PSD3: variants seen among roughly 807,000 people sequenced by gnomAD.
PSD3 encodes PH and SEC7 domain-containing protein 3.
PSD3 carries 49 observed loss-of-function variants against 105.5 expected under a neutral mutation model. That is an observed-to-expected ratio of 0.46 (90% CI 0.37 to 0.59). The LOEUF (loss-of-function observed/expected upper bound fraction) is 0.59, where lower values mean the gene tolerates loss of function less well. PSD3 is among the 20% of genes least tolerant of loss of function. The pLI is 0.00. For missense variants in PSD3, 1,561 were observed against 1,263.8 expected (o/e 1.24, Z -3.57); for synonymous variants, 557 against 457.8 (o/e 1.22, Z -2.77).
At chr8:19,074,584 G>GATAGATAT (rs1829384936) in intron 1 of PSD3, among the ~76,000 whole-genome samples, 1 of 99,536 alleles carries the variant, frequency 1.0e-5, no homozygotes, top group Non-Finnish European at 2.1e-5. Context: ...TTACAACTCA[G>GATAGATAT]ATATATACAT....
At chr8:19,059,130 G>C (rs1242620087) in intron 1 of PSD3, among the ~76,000 whole-genome samples, 1 of 152,160 alleles carries the variant, frequency 6.6e-6, no homozygotes, top group Non-Finnish European at 1.5e-5. Context: ...CTTTAGCAGA[G>C]ACATGAAAAG....
chr8:18,691,380 T>C (rs1800965947), intron 9 of PSD3, among the ~76,000 whole-genome samples: 1 of 152,244 alleles, frequency 6.6e-6, no homozygotes, highest in African/African-American at 2.4e-5. Flanking sequence ...CACTTAACTC[T>C]GTATAGCTGA....
chr8:18,603,100 C>A (rs1284129196), intron 11 of PSD3, among the ~76,000 whole-genome samples: 1 of 152,120 alleles, frequency 6.6e-6, no homozygotes, highest in Non-Finnish European at 1.5e-5. Flanking sequence ...AGGTATCTTC[C>A]GTGAGAAAGT....
At chr8:18,933,223 G>A (rs753790231) in intron 2 of PSD3, among the ~76,000 whole-genome samples, 2 of 152,118 alleles carry the variant, frequency 1.3e-5, no homozygotes, top group Non-Finnish European at 2.9e-5. Context: ...GTGTCATTTT[G>A]GTTTGCCTCG....
chr8:18,780,359 G>A (rs200209837), intron 8 of PSD3, among the ~76,000 whole-genome samples: 1 of 143,792 alleles, frequency 7.0e-6, no homozygotes, highest in African/African-American at 2.6e-5. Flanking sequence ...TTTTTTTTTT[G>A]TTTTTCTATT....
At chr8:18,922,049 A>G (rs1199521678) in intron 2 of PSD3, among the ~76,000 whole-genome samples, 2 of 152,234 alleles carry the variant, frequency 1.3e-5, no homozygotes, top group Non-Finnish European at 2.9e-5. Flanking sequence ...CCAGTATGTC[A>G]CTTCTGCTTT....
chr8:18,611,965 T>C (rs1805299461), intron 11 of PSD3, among the ~76,000 whole-genome samples: 1 of 152,228 alleles, frequency 6.6e-6, no homozygotes, highest in Non-Finnish European at 1.5e-5. Context: ...CCTCTTACCT[T>C]TCTCACACAA....
At chr8:18,998,938 G>C (rs1359206922) in intron 1 of PSD3, among the ~76,000 whole-genome samples, 1 of 151,966 alleles carries the variant, frequency 6.6e-6, no homozygotes, top group African/African-American at 2.4e-5. Flanking sequence ...TCACTCTGTA[G>C]ATGGACATGG....
At position 18,919,179 on chromosome 8, in the gene PSD3, G is replaced by T. The variant is rs371474076; in HGVS notation, c.130+16855C>A. On this transcript the variant is annotated intron_variant, in intron 2 of 15. Transcript: ENST00000327040. ...CAAAAGGAGCCAGGTGATCTCTTCC[G>T]GGGCTTCAGCTTCTTCTAGCAGTGT... is the stretch of plus-strand genomic sequence containing the variant. Among the ~76,000 whole-genome samples, 81 of 152,106 alleles carry T rather than the reference G, an allele frequency of 5.3e-4. 2 individuals carry two copies. In the South Asian group the frequency reaches 0.016, roughly 30 times the overall value.
chr8:18,936,290 T>C (rs1351143581), intron 1 of PSD3, 148 bp from the exon 2 acceptor site: 1 of 583,488 alleles, frequency 1.7e-6, no homozygotes, highest in East Asian at 2.7e-5. Flanking sequence ...ACATGAAAAG[T>C]GTAACATGAA....
intron 1 of PSD3, among the ~76,000 whole-genome samples, chr8:18,939,227 G>C (rs963192211): frequency 6.6e-6 from 1 of 152,288 alleles, no homozygotes; most frequent in East Asian, 1.9e-4. Flanking sequence ...GGAAGCAATT[G>C]CCAATCAAGA....
chr8:19,045,048 G>T (rs1221178611), intron 1 of PSD3, among the ~76,000 whole-genome samples: 1 of 152,134 alleles, frequency 6.6e-6, no homozygotes, highest in African/African-American at 2.4e-5. Flanking sequence ...AGCTGAGTGT[G>T]GTGGTGCACA....
intron 1 of PSD3, among the ~76,000 whole-genome samples, chr8:18,989,991 G>C (rs1410908575): frequency 6.6e-6 from 1 of 152,178 alleles, no homozygotes; most frequent in Non-Finnish European, 1.5e-5. Flanking sequence ...AGAAATCTAT[G>C]TCATTCTTCC....
At chr8:18,787,468 T>A (rs1330454627) in intron 8 of PSD3, among the ~76,000 whole-genome samples, 3 of 151,920 alleles carry the variant, frequency 2.0e-5, no homozygotes, top group African/African-American at 7.3e-5. Flanking sequence ...TTAAAAAATA[T>A]CAAATAACAA....
intron 9 of PSD3, among the ~76,000 whole-genome samples, chr8:18,683,428 A>G (rs1800491718): frequency 6.6e-6 from 1 of 152,254 alleles, no homozygotes; most frequent in Non-Finnish European, 1.5e-5. Flanking sequence ...TGTTCTAAAA[A>G]TACTCCGCAC....
chr8:18,908,012 T>G (rs1819960047), intron 2 of PSD3, among the ~76,000 whole-genome samples: 1 of 152,226 alleles, frequency 6.6e-6, no homozygotes. Context: ...TCAAACTATC[T>G]GTAGAATATA....
At chr8:18,934,371 C>G (rs1821937532) in intron 2 of PSD3, among the ~76,000 whole-genome samples, 1 of 152,192 alleles carries the variant, frequency 6.6e-6, no homozygotes, top group African/African-American at 2.4e-5. Context: ...TTAACAGCAG[C>G]CAACACTTTT....
intron 10 of PSD3, among the ~76,000 whole-genome samples, chr8:18,635,214 C>A (rs1807166977): frequency 6.6e-6 from 1 of 152,092 alleles, no homozygotes; most frequent in East Asian, 1.9e-4. Context: ...CCACAGAACG[C>A]CAAGCTCATC....
At chr8:18,564,187 T>C (rs1287142400) in intron 14 of PSD3, among the ~76,000 whole-genome samples, 1 of 152,044 alleles carries the variant, frequency 6.6e-6, no homozygotes, top group Non-Finnish European at 1.5e-5. Context: ...CAGTGGAAAA[T>C]GTAGTTTATT....
Sources: allele counts gnomAD v4.1 joint callset (sites outside exome capture counted in the v4.1 genomes callset), GRCh38; gene constraint gnomAD v4.1.1; transcripts MANE v1.5; gene names NCBI Gene and HGNC (gene_info 2026-07-23, HGNC 2026-07-21).